The following ZDHHC17 variants were observed in gnomAD, a reference collection of about 807,000 sequenced individuals.
ZDHHC17 encodes zDHHC palmitoyltransferase 17.
A neutral mutation model predicts 90.3 loss-of-function variants in ZDHHC17; 40 were observed. The ratio of observed to expected loss-of-function variants is 0.44; its 90% confidence interval spans 0.34 to 0.58. The LOEUF (loss-of-function observed/expected upper bound fraction) is 0.58. ZDHHC17 is among the 20% of genes least tolerant of loss of function. ZDHHC17 has a pLI of 0.01. For synonymous variants in ZDHHC17, 235 were observed against 252.4 expected (o/e 0.93, Z 0.65); for missense variants, 614 against 780.8 (o/e 0.79, Z 2.55).
At chr12:76,848,135 T>TC (rs760467716) in intron 14 of ZDHHC17, 98 bp from the exon 15 acceptor site, 372 of 1,258,854 alleles carry the variant, frequency 3.0e-4, no homozygotes, top group Non-Finnish European at 1.7e-4. Context: ...AAATCTAGAC[T>TC]GTTTGACTAT....
chr12:76,797,404 C>T (rs1285055815), intron 1 of ZDHHC17, 30 bp from the exon 2 acceptor site: 3 of 1,518,100 alleles, frequency 2.0e-6, no homozygotes, highest in Admixed American at 3.9e-5. Context: ...TTTTTCAATT[C>T]TTGCCTGTGT....
At chr12:76,825,775 T>C (rs1953223231) in intron 8 of ZDHHC17, among the ~76,000 whole-genome samples, 1 of 148,694 alleles carries the variant, frequency 6.7e-6, no homozygotes, top group Non-Finnish European at 1.5e-5. Flanking sequence ...AAGATAAATA[T>C]TCAGTAAGGA....
At chr12:76,835,499 T>G (rs531396939) in intron 10 of ZDHHC17, among the ~76,000 whole-genome samples, 1 of 152,210 alleles carries the variant, frequency 6.6e-6, no homozygotes, top group South Asian at 2.1e-4. Flanking sequence ...AGATTTATTT[T>G]TAAAAGAATT....
chr12:76,780,072 T>C (rs780229996), intron 1 of ZDHHC17, among the ~76,000 whole-genome samples: 1 of 152,204 alleles, frequency 6.6e-6, no homozygotes, highest in African/African-American at 2.4e-5. Context: ...TCTTGGAGTT[T>C]AGTAGTTTGC....
chr12:76,809,534 A>C (rs1433838127), intron 4 of ZDHHC17, among the ~76,000 whole-genome samples, 179 bp from the exon 5 acceptor site: 3 of 152,176 alleles, frequency 2.0e-5, no homozygotes, highest in Non-Finnish European at 2.9e-5. Context: ...CTGTTAATCT[A>C]GTTAAGACTT....
intron 1 of ZDHHC17, among the ~76,000 whole-genome samples, chr12:76,772,513 T>C (rs981522744): frequency 1.9e-4 from 28 of 150,360 alleles, no homozygotes; most frequent in African/African-American, 6.6e-4. Flanking sequence ...TCGTGTTGTG[T>C]ATTCTATGGT....
At chr12:76,849,337 A>AAAAC in intron 15 of ZDHHC17, 39 bp from the exon 16 acceptor site, 1 of 1,128,028 alleles carries the variant, frequency 8.9e-7, no homozygotes, top group East Asian at 2.7e-5. Flanking sequence ...AAAAAAAAAA[A>AAAAC]AAAACAAGAA....
intron 10 of ZDHHC17, among the ~76,000 whole-genome samples, chr12:76,835,277 CTGAACTCAAG>C (rs1353125650): frequency 7.0e-6 from 1 of 142,726 alleles, no homozygotes; most frequent in African/African-American, 2.6e-5. Flanking sequence ...TCTTTAACTC[CTGAACTCAAG>C]TGATCTACCT....
chr12:76,845,470 A>G (rs569876131), intron 12 of ZDHHC17: 22 of 228,794 alleles, frequency 9.6e-5, no homozygotes, highest in African/African-American at 5.0e-4. Context: ...TTGATGGTTC[A>G]GTTCCATTCT....
intron 2 of ZDHHC17, among the ~76,000 whole-genome samples, chr12:76,804,136 A>C (rs11115488): frequency 0.011 from 1,682 of 152,332 alleles, 10 homozygotes; most frequent in Non-Finnish European, 0.017. Context: ...AGGTTGGCTA[A>C]AAGGTTGGTT....
At chr12:76,803,740 C>T (rs1458049338) in intron 2 of ZDHHC17, among the ~76,000 whole-genome samples, 4 of 152,080 alleles carry the variant, frequency 2.6e-5, no homozygotes, top group African/African-American at 9.7e-5. Flanking sequence ...ATAGGAGTCC[C>T]TAGGGGGTGC....
chr12:76,815,784 GTA>G, intron 6 of ZDHHC17, 71 bp from the exon 7 acceptor site: 1 of 1,401,244 alleles, frequency 7.1e-7, no homozygotes, highest in East Asian at 2.6e-5. Context: ...AATCAGTTTA[GTA>G]TTTGTAATGA....
chr12:76,828,605 G>T (rs1360307800), intron 10 of ZDHHC17, 115 bp downstream of exon 10: 6 of 837,086 alleles, frequency 7.2e-6, no homozygotes, highest in African/African-American at 5.3e-5. Context: ...TTAAAATAGT[G>T]TTCCTAGAAA....
intron 16 of ZDHHC17, 45 bp downstream of exon 16, chr12:76,849,515 AT>A: frequency 1.6e-6 from 2 of 1,279,320 alleles, no homozygotes; most frequent in African/African-American, 1.5e-5. Flanking sequence ...GGTCATAAAA[AT>A]TTTCTTACTA....
intron 7 of ZDHHC17, among the ~76,000 whole-genome samples, chr12:76,819,523 A>G (rs780429334): frequency 3.3e-5 from 5 of 152,170 alleles, no homozygotes; most frequent in Non-Finnish European, 5.9e-5. Context: ...TTGTGTTATA[A>G]TAATTCTATA....
At position 76,807,337 on chromosome 12, in the gene ZDHHC17, T is replaced by G. The variant is rs183739666; in HGVS notation, c.321-1706T>G. The stretch of plus-strand genomic sequence containing the variant: ...TTTTCTGCAATGTATTTATATTGAC[T>G]TTCAACCATTGTTTCTGTTTACAGC... On this transcript the variant is annotated intron_variant, in intron 3 of 16. Transcript: ENST00000426126. Among the ~76,000 whole-genome samples the G allele has an allele frequency of 5.3e-3, 807 of 152,332 alleles. 2 individuals carry two copies. The highest frequency in any genetic ancestry group is 8.8e-3 in the Non-Finnish European group (596 of 68,030).
intron 1 of ZDHHC17, among the ~76,000 whole-genome samples, chr12:76,791,980 A>G (rs1952764498): frequency 6.6e-6 from 1 of 152,098 alleles, no homozygotes; most frequent in South Asian, 2.1e-4. Context: ...CAGGCATACT[A>G]CCCTCTCAGA....
chr12:76,806,589 G>T (rs1206949799), intron 3 of ZDHHC17, among the ~76,000 whole-genome samples: 4 of 152,244 alleles, frequency 2.6e-5, no homozygotes, highest in African/African-American at 9.6e-5. Context: ...TCATCAGGCT[G>T]GTCTCGAACT....
chr12:76,848,093 A>T, intron 14 of ZDHHC17, 140 bp from the exon 15 acceptor site: 5 of 795,350 alleles, frequency 6.3e-6, no homozygotes, highest in Non-Finnish European at 7.8e-6. Flanking sequence ...ATTTAAGAGT[A>T]TAAAGACATT....
Sources: gnomAD v4.1 joint callset for allele counts (sites outside exome capture counted in the v4.1 genomes callset) on GRCh38, gnomAD v4.1.1 for gene constraint, MANE v1.5 for transcripts, NCBI Gene and HGNC (gene_info 2026-07-23, HGNC 2026-07-21) for gene names.